CTNNA2: variants seen among roughly 807,000 people sequenced by gnomAD.
CTNNA2 encodes catenin alpha-2.
Under a neutral mutation model 101.0 loss-of-function variants are expected in CTNNA2, and 42 were observed. The ratio of observed to expected loss-of-function variants is 0.42; its 90% CI spans 0.32 to 0.54. The LOEUF (loss-of-function observed/expected upper bound fraction) is 0.54, where lower values mean the gene tolerates loss of function less well. Among genes scored for constraint, CTNNA2 ranks in the 20% least tolerant of loss-of-function variants. The pLI is 0.14. For missense variants in CTNNA2, 871 were observed against 1,223.1 expected (o/e 0.71, Z 4.29); for synonymous variants, 450 against 456.4 (o/e 0.99, Z 0.18).
At chr2:80,028,503 G>T (rs1260411772) in intron 7 of CTNNA2, among the ~76,000 whole-genome samples, 4 of 152,044 alleles carry the variant, frequency 2.6e-5, no homozygotes, top group Admixed American at 1.3e-4. Flanking sequence ...TATTTTCTTT[G>T]GATTCTTTGT....
At chr2:80,457,904 A>AGAAG (rs1163205395) in intron 9 of CTNNA2, among the ~76,000 whole-genome samples, 1 of 152,198 alleles carries the variant, frequency 6.6e-6, no homozygotes, top group Admixed American at 6.5e-5. Context: ...GGAGATCGAA[A>AGAAG]GAGATGATTC....
intron 2 of CTNNA2, among the ~76,000 whole-genome samples, chr2:79,272,702 C>G (rs1675116007): frequency 6.6e-6 from 1 of 152,066 alleles, no homozygotes; most frequent in South Asian, 2.1e-4. Flanking sequence ...AGTGTTTAAA[C>G]AGCAATAATT....
chr2:80,309,776 C>A (rs528945992), intron 7 of CTNNA2, among the ~76,000 whole-genome samples: 2 of 151,048 alleles, frequency 1.3e-5, no homozygotes, highest in African/African-American at 4.9e-5. Flanking sequence ...GTCACTGCAA[C>A]CTCCTTCTCC....
intron 3 of CTNNA2, among the ~76,000 whole-genome samples, chr2:79,363,709 T>C (rs1466786618): frequency 6.6e-6 from 1 of 152,214 alleles, no homozygotes; most frequent in Non-Finnish European, 1.5e-5. Flanking sequence ...CTTAATGCCC[T>C]AGGGCCAAGG....
At chr2:79,199,901 G>A (rs1166765316) in intron 2 of CTNNA2, among the ~76,000 whole-genome samples, 1 of 152,094 alleles carries the variant, frequency 6.6e-6, no homozygotes, top group Non-Finnish European at 1.5e-5. Flanking sequence ...GTACCATAAC[G>A]GAAATCTAAT....
rs57955530 is a variant in CTNNA2 at position 79,778,342 on chromosome 2, C to CAA, written c.298+33770_298+33771dup. Among the ~76,000 whole-genome samples the CAA allele has an allele frequency of 8.9e-4, 127 of 143,060 alleles. 2 individuals carry two copies. In the East Asian group the frequency reaches 0.013, roughly 15 times the overall value. 93.9% of individuals were successfully genotyped at this position (143,060 alleles called of 152,430 possible). ...CTTGGGCTACAGAGTGAGACTCCAT[C>CAA]AAAAAAAAAAATAAAAAAAGGCTTA... On this transcript the variant is annotated intron_variant, in intron 3 of 18. Transcript: ENST00000402739.
chr2:79,982,285 T>TAACATATATAACATATATAA (rs1190035247), intron 7 of CTNNA2, among the ~76,000 whole-genome samples: 2 of 131,960 alleles, frequency 1.5e-5, no homozygotes, highest in South Asian at 4.5e-4. Context: ...ATAATATATA[T>TAACATATATAACATATATAA]AACATATATA....
intron 12 of CTNNA2, among the ~76,000 whole-genome samples, chr2:80,571,314 G>A (rs1694576179): frequency 6.6e-6 from 1 of 152,124 alleles, no homozygotes; most frequent in African/African-American, 2.4e-5. Flanking sequence ...CTCACTTAAT[G>A]ATATTGTTCA....
intron 12 of CTNNA2, among the ~76,000 whole-genome samples, chr2:80,569,305 C>T (rs1436973079): frequency 6.6e-6 from 1 of 152,028 alleles, no homozygotes; most frequent in East Asian, 1.9e-4. Flanking sequence ...CGTTTTGTGG[C>T]CTAGTGTGTG....
intron 2 of CTNNA2, among the ~76,000 whole-genome samples, chr2:79,205,706 C>T (rs1674092080): frequency 6.6e-6 from 1 of 152,168 alleles, no homozygotes; most frequent in East Asian, 1.9e-4. Flanking sequence ...GATAGTGAAA[C>T]CATTTCTCCA....
intron 2 of CTNNA2, among the ~76,000 whole-genome samples, chr2:79,304,229 T>C (rs1483046627): frequency 6.6e-6 from 1 of 152,128 alleles, no homozygotes; most frequent in Non-Finnish European, 1.5e-5. Flanking sequence ...CTGCTTCTGG[T>C]ACGAAAAACT....
chr2:79,852,364 TGGAAGGTA>T (rs999186996), intron 3 of CTNNA2, among the ~76,000 whole-genome samples: 2 of 152,186 alleles, frequency 1.3e-5, no homozygotes, highest in Non-Finnish European at 2.9e-5. Context: ...TAAATTACCA[TGGAAGGTA>T]TAGGAAATAC....
chr2:80,105,947 C>T (rs1463179309), intron 7 of CTNNA2, among the ~76,000 whole-genome samples: 1 of 152,110 alleles, frequency 6.6e-6, no homozygotes, highest in Non-Finnish European at 1.5e-5. Context: ...ACTAGTGTTA[C>T]CCACACAACA....
chr2:79,545,190 C>T (rs1293823287), intron 1 of CTNNA2, among the ~76,000 whole-genome samples: 1 of 152,168 alleles, frequency 6.6e-6, no homozygotes, highest in African/African-American at 2.4e-5. Context: ...GCCTCCCTTA[C>T]AGCTACATGT....
chr2:80,402,851 C>T (rs945121269), intron 8 of CTNNA2, among the ~76,000 whole-genome samples: 7 of 149,918 alleles, frequency 4.7e-5, no homozygotes, highest in Non-Finnish European at 8.9e-5. Flanking sequence ...TCACAAGGCT[C>T]CTCTCTTCTG....
chr2:79,807,226 C>A (rs1434975374), intron 3 of CTNNA2, among the ~76,000 whole-genome samples: 1 of 152,102 alleles, frequency 6.6e-6, no homozygotes, highest in East Asian at 1.9e-4. Context: ...CCTCCTATTT[C>A]TCTTCTTTGT....
chr2:79,723,267 A>G (rs1187824488), intron 2 of CTNNA2, among the ~76,000 whole-genome samples: 1 of 152,146 alleles, frequency 6.6e-6, no homozygotes, highest in Non-Finnish European at 1.5e-5. Flanking sequence ...AGGGATCTCT[A>G]AAAAATCTAC....
At chr2:79,795,573 G>A (rs904974537) in intron 3 of CTNNA2, among the ~76,000 whole-genome samples, 2 of 151,840 alleles carry the variant, frequency 1.3e-5, no homozygotes, top group Admixed American at 6.6e-5. Flanking sequence ...GAAATTATTA[G>A]CAATTGTACT....
chr2:79,475,565 A>G (rs1357666791), intron 4 of CTNNA2, among the ~76,000 whole-genome samples: 1 of 152,186 alleles, frequency 6.6e-6, no homozygotes, highest in East Asian at 1.9e-4. Flanking sequence ...ATTCCAAATG[A>G]ATATGTACTA....
Sources: gnomAD v4.1 joint callset for allele counts (sites outside exome capture counted in the v4.1 genomes callset) on GRCh38, gnomAD v4.1.1 for gene constraint, MANE v1.5 for transcripts, NCBI Gene and HGNC (gene_info 2026-07-23, HGNC 2026-07-21) for gene names.